PCDHA3: variants seen among roughly 807,000 people sequenced by gnomAD.
The protein encoded by PCDHA3 is protocadherin alpha 3, also known as protocadherin alpha-3.
PCDHA3 carries 41 observed loss-of-function variants against 62.2 expected under a neutral mutation model. That is an observed-to-expected ratio of 0.66 (90% CI 0.51 to 0.86). The LOEUF is 0.86. Ranked by LOEUF, PCDHA3 falls within the 40% of genes least tolerant of loss-of-function variation. PCDHA3 has a pLI of 0.00. For missense variants in PCDHA3, 1,304 were observed against 1,241.2 expected, an observed-to-expected ratio of 1.05 and a Z score of -0.76; for synonymous variants, 640 against 555.4, an observed-to-expected ratio of 1.15 and a Z score of -2.14.
intron 3 of PCDHA3, among the ~76,000 whole-genome samples, chr5:141,004,051 A>G (rs2098149842): frequency 6.6e-6 from 1 of 152,240 alleles, no homozygotes; most frequent in East Asian, 1.9e-4. Flanking sequence ...ATTTGCTGAT[A>G]CTGGCCCCTG....
chr5:140,856,851 C>A, intron 1 of PCDHA3: 1 of 1,593,160 alleles, frequency 6.3e-7, no homozygotes. Flanking sequence ...GCTTCTGATT[C>A]GGATGAAGGA....
chr5:141,006,105 G>T (rs2098255059), intron 3 of PCDHA3, among the ~76,000 whole-genome samples: 1 of 143,364 alleles, frequency 7.0e-6, no homozygotes. Context: ...ATGGTAAGGA[G>T]TTTTTTTTTT....
chr5:140,921,705 G>C (rs2080339656), intron 1 of PCDHA3, among the ~76,000 whole-genome samples: 1 of 152,042 alleles, frequency 6.6e-6, no homozygotes, highest in Non-Finnish European at 1.5e-5. Context: ...ATTTTAAACA[G>C]TAAACACACG....
Position 140,824,088 on chromosome 5 carries a change from C to G in PCDHA3, c.2394+20497C>G, listed in dbSNP as rs145264014. On this transcript the variant is annotated intron_variant, in intron 1 of 3. Transcript: ENST00000522353. Reference sequence around the variant, plus strand: ...CACCCAAAACAGACCTCATGGCCTTCAGTCCAAGCCTTCCTCAGGGTCCCA... The same window carrying G: ...CACCCAAAACAGACCTCATGGCCTTGAGTCCAAGCCTTCCTCAGGGTCCCA... 1,047 of 1,614,190 alleles carry G rather than the reference C, an allele frequency of 6.5e-4. 5 individuals are homozygous for G. In the African/African-American group the frequency reaches 0.012, roughly 19 times the overall value.
chr5:140,804,684 C>A (rs1266870700), intron 1 of PCDHA3: 1 of 162,264 alleles, frequency 6.2e-6, no homozygotes, highest in African/African-American at 2.4e-5. Flanking sequence ...CTCCAAATAA[C>A]CAGAACCAAA....
At chr5:140,911,436 C>G (rs369054235) in intron 1 of PCDHA3, among the ~76,000 whole-genome samples, 14 of 152,124 alleles carry the variant, frequency 9.2e-5, no homozygotes, top group African/African-American at 2.4e-4. Flanking sequence ...TCCAATTTCC[C>G]GCAATTTCAG....
intron 2 of PCDHA3, chr5:140,982,197 A>G: frequency 1.5e-5 from 6 of 389,618 alleles, no homozygotes; most frequent in Non-Finnish European, 2.1e-5. Flanking sequence ...TTCCTGTTAG[A>G]TTTAGTGAGC....
chr5:140,988,059 T>C (rs1587274242), intron 3 of PCDHA3, among the ~76,000 whole-genome samples: 1 of 152,324 alleles, frequency 6.6e-6, no homozygotes, highest in East Asian at 1.9e-4. Flanking sequence ...ACTGTCAACA[T>C]GAATTTTTCT....
chr5:140,821,872 T>C, intron 1 of PCDHA3: 1 of 1,614,172 alleles, frequency 6.2e-7, no homozygotes, highest in South Asian at 1.1e-5. Context: ...GCTCCACTAC[T>C]CGATCCCGGA....
intron 1 of PCDHA3, among the ~76,000 whole-genome samples, chr5:140,886,844 A>C (rs11748231): frequency 2.0e-5 from 3 of 150,634 alleles, no homozygotes; most frequent in African/African-American, 7.3e-5. Flanking sequence ...AAAAAAAAAA[A>C]AAAGAAAGGT....
chr5:140,838,904 T>C (rs1357906412), intron 1 of PCDHA3, among the ~76,000 whole-genome samples: 2 of 151,878 alleles, frequency 1.3e-5, no homozygotes, highest in Non-Finnish European at 2.9e-5. Flanking sequence ...GACAGAGCAA[T>C]ACCTTGCCTC....
chr5:140,879,675 G>A (rs141369145), intron 1 of PCDHA3, among the ~76,000 whole-genome samples: 1 of 152,360 alleles, frequency 6.6e-6, no homozygotes, highest in South Asian at 2.1e-4. Context: ...CAAACTGGGT[G>A]CTGTAAAACA....
At position 140,859,292 on chromosome 5, in the gene PCDHA3, CT is replaced by C. The variant is rs1226140670; in HGVS notation, c.2394+55704del. 1.3e-3 allele frequency: 281 copies of C among 215,310 alleles called. 12 individuals are homozygous for C. Among genetic ancestry groups the C allele is most frequent in the African/African-American group, 6.4e-3 (274 of 42,824 alleles). 13.3% of individuals were successfully genotyped at this position (215,310 alleles called of 1,614,324 possible). A position where few individuals can be genotyped will look rare whatever the true frequency, so the allele number is the denominator to read the frequency against. ...CTTTTTACTTTTGAGACTGAAAATA[CT>C]TTAGTATGAATTAATATTAAAAGTT... On this transcript the variant is annotated intron_variant, in intron 1 of 3. Transcript: ENST00000522353.
chr5:140,982,507 G>T lies in PCDHA3; in HGVS notation c.2486G>T (p.Arg829Leu). Reference sequence around the variant, plus strand: ...CACCTAGAGGAGGCTGGCATTCTACGGGCTGGTCCAGGAGGGCCTGATCAG... The same window carrying T: ...CACCTAGAGGAGGCTGGCATTCTACTGGCTGGTCCAGGAGGGCCTGATCAG... The part of the protein sequence containing the change: ...SVHLEEAGIL[R>L]AGPGGPDQQW... The change falls in exon 3 of 4, where the codon CGG becomes CTG. Residue 829 changes from arginine to leucine, a missense_variant. Physicochemically the swap from Arg to Leu is moderately radical, Grantham distance 102. Coordinates refer to ENST00000522353, the MANE Select transcript of PCDHA3 (RefSeq NM_018906.3). 6.2e-7 allele frequency: 1 copy of T among 1,614,138 alleles called. No homozygotes were observed. Among genetic ancestry groups the T allele is most frequent in the Non-Finnish European group, 8.5e-7 (1 of 1,180,018 alleles).
chr5:140,877,120 A>G (rs782093528), intron 1 of PCDHA3: 4 of 1,613,684 alleles, frequency 2.5e-6, no homozygotes, highest in East Asian at 4.5e-5. Context: ...CAGCAACGTG[A>G]CGCTGCAGGT....
intron 1 of PCDHA3, chr5:140,966,695 C>G: frequency 7.4e-7 from 1 of 1,358,486 alleles, no homozygotes; most frequent in Non-Finnish European, 9.5e-7. Flanking sequence ...AGGCGGGGCC[C>G]GGGCGTGGGG....
intron 1 of PCDHA3, chr5:140,884,272 G>A (rs1554181402): frequency 6.2e-7 from 1 of 1,613,574 alleles, no homozygotes; most frequent in South Asian, 1.1e-5. Flanking sequence ...TGCTGTTGTC[G>A]CTGGTGGAGA....
In PCDHA3 at chr5:140,850,682, G is replaced by C. The variant is rs2150493727; in HGVS notation, c.2394+47091G>C. On this transcript the variant is annotated intron_variant, in intron 1 of 3. Coordinates refer to ENST00000522353, the MANE Select transcript of PCDHA3 (RefSeq NM_018906.3). The stretch of plus-strand genomic sequence containing the variant: ...TGCGGTGCTCGGCGATGCCCACCGA[G>C]GGCGAGTGCGCGCCTGGCAAGCCGA... The C allele has an allele frequency of 3.1e-5, 50 of 1,598,558 alleles. 3 individuals carry two copies. In the East Asian group the frequency reaches 1.1e-3, roughly 35 times the overall value.
chr5:140,823,717 G>C, intron 1 of PCDHA3: 2 of 1,613,952 alleles, frequency 1.2e-6, no homozygotes, highest in Non-Finnish European at 1.7e-6. Context: ...CCGCCTTCTG[G>C]TGCTGGTGAA....
Sources: allele counts gnomAD v4.1 joint callset (sites outside exome capture counted in the v4.1 genomes callset), GRCh38; gene constraint gnomAD v4.1.1; transcripts MANE v1.5; gene names NCBI Gene and HGNC (gene_info 2026-07-23, HGNC 2026-07-21).